The following ATP2C1 variants were observed in gnomAD, a reference collection of about 807,000 sequenced individuals.
ATP2C1 encodes ATPase secretory pathway Ca2+ transporting 1.
In ATP2C1, 31 loss-of-function variants were observed where a neutral mutation model predicts 120.5. That is an observed-to-expected ratio of 0.26 (90% CI 0.19 to 0.35). The LOEUF is 0.35. ATP2C1 is among the 10% of genes least tolerant of loss of function. The probability of loss-of-function intolerance (pLI) is 1.00; values close to 1 mark genes in which losing one functional copy is unlikely to be tolerated. For synonymous variants in ATP2C1, 351 were observed against 358.7 expected (o/e 0.98, Z 0.24); for missense variants, 731 against 1,107.5 (o/e 0.66, Z 4.83).
Position 130,894,506 on chromosome 3 carries a change from A to C in ATP2C1, c.-180-84A>C. On this transcript the variant is annotated intron_variant, in intron 1 of 27. Coordinates refer to ENST00000510168, the MANE Select transcript of ATP2C1 (RefSeq NM_001378687.1). The surrounding 1 kb of genome is among the most constrained non-coding windows in gnomAD (Gnocchi z 4.5). ...ACGGGGCGGGTGCGGGATCTTGGGG[A>C]GGGGGGCTCCCGAGATAGTGGCTGG... 7.3e-7 allele frequency: 1 copy of C among 1,365,338 alleles called. No individual in the cohort carries two copies. The highest frequency in any genetic ancestry group is 9.4e-7 in the Non-Finnish European group (1 of 1,058,228). The allele number at this position is 1,365,338 out of a possible 1,614,324, so 84.6% of individuals were successfully genotyped here. A position where few individuals can be genotyped will look rare whatever the true frequency, so the allele number is the denominator to read the frequency against.
At chr3:130,954,904 A>G in intron 9 of ATP2C1, 108 bp from the exon 10 acceptor site, 1 of 778,880 alleles carries the variant, frequency 1.3e-6, no homozygotes, top group Non-Finnish European at 2.3e-6. Flanking sequence ...TGTATGTTAG[A>G]CATCTTCACT....
Position 130,980,612 on chromosome 3 carries a change from C to T in ATP2C1, c.1772C>T (p.Ser591Phe), listed in dbSNP as rs888728626. ...ASRLGLYSKT[S>F]QSVSGEEIDA... is the part of the protein sequence containing the mutation. ...CGTCTGGGATTGTATTCCAAAACTT[C>T]CCAGTCAGTCTCAGGAGAAGAAATA... is the stretch of plus-strand genomic sequence containing the variant. The change falls in exon 20 of 28, where the codon TCC (serine) becomes TTC (phenylalanine). Residue 591 changes from serine to phenylalanine, a missense_variant. By Grantham distance (155) the Ser-to-Phe change is radical (BLOSUM62 -2). Coordinates refer to ENST00000510168, the MANE Select transcript of ATP2C1 (RefSeq NM_001378687.1). 7.4e-6 allele frequency: 12 copies of T among 1,613,192 alleles called. No individual in the cohort carries two copies. In the African/African-American group the frequency reaches 1.6e-4, roughly 22 times the overall value.
chr3:130,996,025 T>G lies in ATP2C1; in HGVS notation c.2058-18T>G, dbSNP rs2062608000. ...ATGATAATATTTTCTCACTTCATCT[T>G]TATTTTTTAAATTTCAGGTCTGCAA... is the stretch of plus-strand genomic sequence containing the variant. On this transcript the variant is annotated intron_variant, in intron 22 of 27. Transcript: ENST00000510168. 1 of 1,452,778 alleles carries G rather than the reference T, an allele frequency of 6.9e-7. No individual in the cohort carries two copies. The highest frequency in any genetic ancestry group is 9.7e-7 in the Non-Finnish European group (1 of 1,034,892). 90.0% of individuals were successfully genotyped at this position (1,452,778 alleles called of 1,614,324 possible).
At chr3:130,853,376 C>T (rs1185485132) in intron 1 of ATP2C1, among the ~76,000 whole-genome samples, 1 of 152,118 alleles carries the variant, frequency 6.6e-6, no homozygotes, top group Non-Finnish European at 1.5e-5. Flanking sequence ...TTTTTCAATC[C>T]AAAATGATTC....
intron 2 of ATP2C1, among the ~76,000 whole-genome samples, chr3:130,895,608 A>G (rs1179540702): frequency 6.6e-6 from 1 of 152,156 alleles, no homozygotes; most frequent in Non-Finnish European, 1.5e-5. Flanking sequence ...GCAAAATACT[A>G]TAAAAGATAC....
chr3:130,992,571 C>G (rs770016856), intron 20 of ATP2C1, among the ~76,000 whole-genome samples: 2 of 152,146 alleles, frequency 1.3e-5, no homozygotes, highest in Non-Finnish European at 2.9e-5. Context: ...TTTATTGCTC[C>G]TGAAGACAGA....
intron 23 of ATP2C1, 112 bp downstream of exon 23, chr3:130,996,223 CAT>C (rs2062615985): frequency 2.4e-6 from 2 of 832,862 alleles, no homozygotes; most frequent in Non-Finnish European, 4.0e-6. Flanking sequence ...GAGCATTGTT[CAT>C]ATGTCAGTTT....
chr3:130,931,438 T>A (rs2059443299), intron 3 of ATP2C1, among the ~76,000 whole-genome samples: 1 of 152,032 alleles, frequency 6.6e-6, no homozygotes. Context: ...AATTACACAG[T>A]CCAAGAGTAT....
At chr3:130,926,224 T>C (rs993483506) in intron 2 of ATP2C1, among the ~76,000 whole-genome samples, 4 of 152,178 alleles carry the variant, frequency 2.6e-5, no homozygotes, top group African/African-American at 9.7e-5. Context: ...CACATGTTGC[T>C]CTGTCTGTCA....
chr3:130,969,269 A>G, intron 16 of ATP2C1, 23 bp from the exon 17 acceptor site: 1 of 1,527,398 alleles, frequency 6.5e-7, no homozygotes, highest in Non-Finnish European at 9.1e-7. Flanking sequence ...GGTGAGAATT[A>G]ACTTTCTCTT....
chr3:130,897,220 T>C (rs970237665), intron 2 of ATP2C1, among the ~76,000 whole-genome samples: 20 of 152,186 alleles, frequency 1.3e-4, no homozygotes, highest in African/African-American at 4.8e-4. Flanking sequence ...AGGAATTTTC[T>C]ATGGCATTAG....
exon 1 of ATP2C1, chr3:130,850,714 G>C: frequency 1.9e-6 from 1 of 518,514 alleles, no homozygotes; most frequent in Non-Finnish European, 3.3e-6. Flanking sequence ...GAGGGAAGTT[G>C]TCGAGCTACA....
chr3:131,004,245 T>C (rs2063013674), downstream of ATP2C1, among the ~76,000 whole-genome samples: 1 of 152,266 alleles, frequency 6.6e-6, no homozygotes, highest in African/African-American at 2.4e-5. Flanking sequence ...TTTTTAAGAC[T>C]GAGCTCCTGC....
intron 2 of ATP2C1, among the ~76,000 whole-genome samples, chr3:130,927,301 C>T (rs946290937): frequency 1.5e-4 from 22 of 149,378 alleles, no homozygotes; most frequent in Admixed American, 1.3e-4. Context: ...AGTGCAGTGG[C>T]GTGATCTCAG....
intron 24 of ATP2C1, 41 bp downstream of exon 24, chr3:130,996,837 T>C (rs918720299): frequency 7.8e-7 from 1 of 1,279,340 alleles, no homozygotes; most frequent in Non-Finnish European, 1.1e-6. Context: ...AGACAAGGAA[T>C]GTGTACTACC....
At chr3:130,931,084 C>T (rs1012300831) in intron 3 of ATP2C1, among the ~76,000 whole-genome samples, 4 of 152,040 alleles carry the variant, frequency 2.6e-5, no homozygotes, top group Admixed American at 1.3e-4. Flanking sequence ...TTTCCTTCAG[C>T]AGTCACATAT....
intron 19 of ATP2C1, 61 bp downstream of exon 19, chr3:130,979,480 A>G: frequency 2.0e-6 from 3 of 1,522,256 alleles, no homozygotes; most frequent in Non-Finnish European, 2.7e-6. Context: ...GTGGTGCATA[A>G]TTTTGTGAAC....
chr3:130,918,263 C>G, intron 2 of ATP2C1: 1 of 1,535,136 alleles, frequency 6.5e-7, no homozygotes. Context: ...ATAGCCAAAT[C>G]CCTTGGGCCC....
At chr3:130,940,553 A>G in intron 6 of ATP2C1, 77 bp from the exon 7 acceptor site, 1 of 957,800 alleles carries the variant, frequency 1.0e-6, no homozygotes, top group South Asian at 1.4e-5. Flanking sequence ...TTTTAAAATA[A>G]TGATTGAGAT....
Sources: allele counts gnomAD v4.1 joint callset (sites outside exome capture counted in the v4.1 genomes callset), GRCh38; gene constraint gnomAD v4.1.1; non-coding constraint Gnocchi (gnomAD v3.1); transcripts MANE v1.5; gene names NCBI Gene and HGNC (gene_info 2026-07-23, HGNC 2026-07-21).